The following UNC5B variants were observed in gnomAD, a reference collection of about 807,000 sequenced individuals.
UNC5B encodes netrin receptor UNC5B.
Under a neutral mutation model 103.7 loss-of-function variants are expected in UNC5B, and 56 were observed. That is an observed-to-expected ratio of 0.54 (90% confidence interval 0.44 to 0.67). UNC5B has a LOEUF of 0.67. UNC5B is among the 30% of genes least tolerant of loss of function. The probability of loss-of-function intolerance (pLI) is 0.00; values close to 1 mark genes in which losing one functional copy is unlikely to be tolerated. For missense variants in UNC5B, 1,194 were observed against 1,284.5 expected (o/e 0.93, Z 1.08); for synonymous variants, 577 against 542.0 (o/e 1.06, Z -0.90).
chr10:71,233,504 A>G (rs1330145706), intron 1 of UNC5B, among the ~76,000 whole-genome samples: 4 of 152,008 alleles, frequency 2.6e-5, no homozygotes, highest in African/African-American at 9.7e-5. Flanking sequence ...ACCCGTCCCT[A>G]TACTCCCTTG....
At chr10:71,279,793 C>T in intron 1 of UNC5B, 28 bp from the exon 2 acceptor site, 4 of 1,603,182 alleles carry the variant, frequency 2.5e-6, no homozygotes, top group Non-Finnish European at 3.4e-6. Context: ...AGCACACAGC[C>T]TCATGGAGGT....
At chr10:71,263,216 G>A (rs1844449224) in intron 1 of UNC5B, among the ~76,000 whole-genome samples, 1 of 152,226 alleles carries the variant, frequency 6.6e-6, no homozygotes, top group Non-Finnish European at 1.5e-5. Flanking sequence ...GACTAAGTCT[G>A]TAGACTTGGT....
intron 4 of UNC5B, among the ~76,000 whole-genome samples, chr10:71,286,009 T>C (rs1162386546): frequency 2.6e-5 from 4 of 152,154 alleles, no homozygotes; most frequent in African/African-American, 4.8e-5. Context: ...CCCAAAACCA[T>C]GCACTCATCA....
rs764558034 is a variant in UNC5B, at chr10:71,291,454, C to T, written c.1317C>T (p.Pro439=). 2 of 1,611,996 alleles carry T rather than the reference C, an allele frequency of 1.2e-6. No homozygotes were observed. Among genetic ancestry groups the T allele is most frequent in the Non-Finnish European group, 1.7e-6 (2 of 1,178,906 alleles). Residue 439 remains proline (P), a synonymous_variant, in exon 10 of 17, where the codon CCC becomes CCT. Coordinates refer to ENST00000335350, the MANE Select transcript of UNC5B (RefSeq NM_170744.5). ...ARPSNPQLLH[P]SVPPDLTASA... is the part of the protein sequence containing the mutation. ...CAGGCAACCCGCAGCTCCTACACCCCTCTGTGCCTCCTGACCTGACAGCCA... is the reference window on the plus strand; with the variant it reads ...CAGGCAACCCGCAGCTCCTACACCCTTCTGTGCCTCCTGACCTGACAGCCA...
intron 1 of UNC5B, among the ~76,000 whole-genome samples, chr10:71,268,254 A>G (rs1246871367): frequency 6.6e-6 from 1 of 152,190 alleles, no homozygotes; most frequent in East Asian, 1.9e-4. Flanking sequence ...ACCTCTGTTT[A>G]TCTCGCCCAT....
chr10:71,221,328 C>A (rs149391065), intron 1 of UNC5B, among the ~76,000 whole-genome samples: 38 of 152,356 alleles, frequency 2.5e-4, no homozygotes, highest in Admixed American at 2.5e-3. Context: ...CTGTGGTCCC[C>A]CCCCTTGTCA....
At chr10:71,251,620 C>T (rs566293422) in intron 1 of UNC5B, among the ~76,000 whole-genome samples, 1 of 152,266 alleles carries the variant, frequency 6.6e-6, no homozygotes, top group East Asian at 1.9e-4. Context: ...CTCTGGAGAT[C>T]GTTTCGCTCA....
chr10:71,289,108 C>A (rs1305944665), intron 8 of UNC5B, 118 bp downstream of exon 8: 6 of 1,361,202 alleles, frequency 4.4e-6, no homozygotes, highest in South Asian at 3.8e-5. Context: ...ACCCACCCCC[C>A]ACGGGATCAT....
chr10:71,298,699 A>C (rs1231619020), intron 16 of UNC5B, among the ~76,000 whole-genome samples: 2 of 152,152 alleles, frequency 1.3e-5, no homozygotes, highest in African/African-American at 4.8e-5. Context: ...TATTCCTCCT[A>C]TCAGGGGAGT....
intron 1 of UNC5B, among the ~76,000 whole-genome samples, chr10:71,261,092 A>G (rs1284069090): frequency 1.3e-5 from 2 of 152,218 alleles, no homozygotes; most frequent in African/African-American, 4.8e-5. Flanking sequence ...CATAATTGAC[A>G]GGGCTGCACC....
Position 71,286,795 on chromosome 10 carries a change from C to T in UNC5B, c.659C>T (p.Thr220Ile), listed in dbSNP as rs772526957. The T allele has an allele frequency of 1.9e-6, 3 of 1,614,234 alleles. No homozygotes were observed. The highest frequency in any genetic ancestry group is 2.5e-6 in the Non-Finnish European group (3 of 1,180,050). Reference sequence around the variant, plus strand: ...ATCCGCCAGGCCCGCCTGTCGGACACTGCCAACTATACCTGCGTGGCCAAG... The same window carrying T: ...ATCCGCCAGGCCCGCCTGTCGGACATTGCCAACTATACCTGCGTGGCCAAG... ...LIIRQARLSD[T>I]ANYTCVAKNI... Residue 220 changes from threonine to isoleucine, a missense_variant, in exon 5 of 17, where the codon ACT becomes ATT. Physicochemically the swap from Thr to Ile is moderately conservative, Grantham distance 89 (BLOSUM62 -1). Coordinates refer to ENST00000335350, the MANE Select transcript of UNC5B (RefSeq NM_170744.5).
chr10:71,284,852 T>A lies in UNC5B; in HGVS notation c.437T>A (p.Val146Asp). 6.2e-7 allele frequency: 1 copy of A among 1,607,586 alleles called. No homozygotes were observed. The highest frequency in any genetic ancestry group is 8.5e-7 in the Non-Finnish European group (1 of 1,177,002). ...ACCACCAAGAGTCGCCGAGCCTACG[T>A]CCGCATCGCCTGTACGCCACCCTGA... is the stretch of plus-strand genomic sequence containing the variant. Reference protein sequence around the residue: ...AGTTKSRRAYVRIAYLRKNFD... With the variant: ...AGTTKSRRAYDRIAYLRKNFD... Residue 146 changes from valine to aspartate, a missense_variant, in exon 3 of 17, where the codon GTC becomes GAC. Val to Asp is a radical substitution (Grantham distance 152). Transcript: ENST00000335350.
intron 1 of UNC5B, among the ~76,000 whole-genome samples, chr10:71,243,517 G>A (rs1369626879): frequency 6.6e-6 from 1 of 152,218 alleles, no homozygotes; most frequent in Non-Finnish European, 1.5e-5. Flanking sequence ...AGCCACATAT[G>A]GCTAGTGGCC....
intron 4 of UNC5B, 53 bp downstream of exon 4, chr10:71,285,482 AAGCCAGGCAGGCATGGTATTTACCACC>A: frequency 2.8e-6 from 4 of 1,450,510 alleles, no homozygotes; most frequent in Non-Finnish European, 3.7e-6. Flanking sequence ...ATGCCTGCAG[AAGCCAGGCAGGCATGGTATTTACCACC>A]AGCCATGGTG....
At chr10:71,250,264 G>C (rs772756687) in intron 1 of UNC5B, among the ~76,000 whole-genome samples, 12 of 152,228 alleles carry the variant, frequency 7.9e-5, no homozygotes, top group Non-Finnish European at 1.5e-4. Flanking sequence ...ATGACCCCGA[G>C]CCTCCGGCCG....
At chr10:71,259,990 G>A (rs951363422) in intron 1 of UNC5B, among the ~76,000 whole-genome samples, 2 of 152,208 alleles carry the variant, frequency 1.3e-5, no homozygotes, top group African/African-American at 4.8e-5. Context: ...GTTTAAGCTG[G>A]AGCCTCTAGG....
intron 1 of UNC5B, among the ~76,000 whole-genome samples, chr10:71,222,814 G>A (rs1843478059): frequency 6.6e-6 from 1 of 152,248 alleles, no homozygotes; most frequent in Admixed American, 6.5e-5. Context: ...AGGCATTACT[G>A]CCTTCAGGAG....
chr10:71,250,139 C>T (rs1403103535), intron 1 of UNC5B, among the ~76,000 whole-genome samples: 1 of 152,224 alleles, frequency 6.6e-6, no homozygotes, highest in African/African-American at 2.4e-5. Flanking sequence ...AGCCACCTGC[C>T]TGCTGAAGGC....
Position 71,213,762 on chromosome 10 carries a change from T to TGTGTGTGTG in UNC5B, c.79+698_79+699insGTGTGTGTG, listed in dbSNP as rs1589143066. Among the ~76,000 whole-genome samples, 51 of 148,108 alleles carry TGTGTGTGTG rather than the reference T, an allele frequency of 3.4e-4. No homozygotes were observed. The highest frequency in any genetic ancestry group is 4.3e-4 in the South Asian group (2 of 4,610). ...GTGTGTGTGTGTGTGTGTGTGTGTG[T>TGTGTGTGTG]TGGATGCGGGTAGGGGTTCTTAGCG... On this transcript the variant is annotated intron_variant, in intron 1 of 16. Coordinates refer to ENST00000335350, the MANE Select transcript of UNC5B (RefSeq NM_170744.5). The surrounding 1 kb of genome is among the most constrained non-coding windows in gnomAD (Gnocchi z 4.1).
Sources: gnomAD v4.1 joint callset for allele counts (sites outside exome capture counted in the v4.1 genomes callset) on GRCh38, gnomAD v4.1.1 for gene constraint, Gnocchi (gnomAD v3.1) non-coding constraint, MANE v1.5 for transcripts, NCBI Gene and HGNC (gene_info 2026-07-23, HGNC 2026-07-21) for gene names.